The following LMNA variants were observed in gnomAD, a reference collection of about 807,000 sequenced individuals.
The protein encoded by LMNA is lamin.
In LMNA, 20 loss-of-function variants were observed where a neutral mutation model predicts 70.4. The observed-to-expected ratio is 0.28, with a 90% confidence interval of 0.20 to 0.41. LMNA has a LOEUF of 0.41. Among genes scored for constraint, LMNA ranks in the 10% least tolerant of loss-of-function variants. The probability of loss-of-function intolerance (pLI) is 1.00; values close to 1 mark genes in which losing one functional copy is unlikely to be tolerated. For synonymous variants in LMNA, 339 were observed against 372.8 expected (o/e 0.91, Z 1.04); for missense variants, 652 against 917.2 (o/e 0.71, Z 3.73).
At chr1:156,130,204 G>C (rs1650922684) in intron 1 of LMNA, among the ~76,000 whole-genome samples, 1 of 152,182 alleles carries the variant, frequency 6.6e-6, no homozygotes, top group Non-Finnish European at 1.5e-5. Flanking sequence ...CAGAGGGAGG[G>C]AAGCTTGGCC....
At chr1:156,129,993 C>T (rs1007950702) in intron 1 of LMNA, 3 of 673,594 alleles carry the variant, frequency 4.5e-6, no homozygotes, top group Non-Finnish European at 8.3e-6. Context: ...ATCAGGGCAC[C>T]CAGACTGGGT....
At chr1:156,105,800 C>CA (rs1406134652) in intron 3 of LMNA, among the ~76,000 whole-genome samples, 1 of 152,100 alleles carries the variant, frequency 6.6e-6, no homozygotes, top group Non-Finnish European at 1.5e-5. Flanking sequence ...GTAGGATGAA[C>CA]AACTGTCCCT....
intron 3 of LMNA, among the ~76,000 whole-genome samples, chr1:156,092,013 G>A (rs1648722835): frequency 6.6e-6 from 1 of 151,998 alleles, no homozygotes; most frequent in Non-Finnish European, 1.5e-5. Context: ...CGCCTCCTGG[G>A]TTCAAGCCAT....
In LMNA at chr1:156,119,198, A is replaced by G. The variant is rs1650032739; in HGVS notation, c.356+3924A>G. 2.7e-5 allele frequency among the ~76,000 whole-genome samples: 4 copies of G among 150,604 alleles called. No homozygotes were observed. The South Asian group carries it at 8.4e-4, about 32-fold the overall frequency. On this transcript the variant is annotated intron_variant, in intron 1 of 11. Coordinates refer to ENST00000368300, the MANE Select transcript of LMNA (RefSeq NM_170707.4). ...AGTGGTGCGATCTCGGCTCATTGCAACCTCCACCTCCCAGGTTCAAGCGAT... is the reference window on the plus strand; with the variant it reads ...AGTGGTGCGATCTCGGCTCATTGCAGCCTCCACCTCCCAGGTTCAAGCGAT...
chr1:156,082,593 G>A (rs1343415637), exon 1 of LMNA: 2 of 152,284 alleles, frequency 1.3e-5, no homozygotes, highest in African/African-American at 4.8e-5. Context: ...TTGACCCGAG[G>A]AGGATAGGGA....
Position 156,135,875 on chromosome 1 carries a change from C to A in LMNA, c.937-26C>A. The A allele has an allele frequency of 6.2e-7, 1 of 1,602,636 alleles. No individual in the cohort carries two copies. Among genetic ancestry groups the A allele is most frequent in the Non-Finnish European group, 8.5e-7 (1 of 1,171,250 alleles). ...CCCATACTTAGGGCCCTTGGGAGCT[C>A]ACCAAACCCTCCCACCCCCCTTCAG... is the stretch of plus-strand genomic sequence containing the variant. On this transcript the variant is annotated intron_variant, in intron 5 of 11. Coordinates refer to ENST00000368300, the MANE Select transcript of LMNA (RefSeq NM_170707.4). The surrounding 1 kb of genome is among the most constrained non-coding windows in gnomAD (Gnocchi z 4.8).
Position 156,127,686 on chromosome 1 carries a change from ATT to A in LMNA, c.357-2914_357-2913del, listed in dbSNP as rs34481489. Reference sequence around the variant, plus strand: ...GGTGCACACCACCGTACCCAGCTAAATTTTTTTTTTTTTTTTTTGAGATAGAG... The same window carrying A: ...GGTGCACACCACCGTACCCAGCTAAATTTTTTTTTTTTTTTTGAGATAGAG... On this transcript the variant is annotated intron_variant, in intron 1 of 11. Coordinates refer to ENST00000368300, the MANE Select transcript of LMNA (RefSeq NM_170707.4). Among the ~76,000 whole-genome samples the A allele has an allele frequency of 1.0e-3, 127 of 125,758 alleles. 1 individual carries two copies. Among genetic ancestry groups the A allele is most frequent in the Admixed American group, 2.2e-3 (28 of 12,538 alleles). 82.5% of individuals were successfully genotyped at this position (125,758 alleles called of 152,430 possible). A position where few individuals can be genotyped will look rare whatever the true frequency, so the allele number is the denominator to read the frequency against.
chr1:156,102,638 T>G (rs1649183659), intron 3 of LMNA, among the ~76,000 whole-genome samples: 2 of 152,094 alleles, frequency 1.3e-5, no homozygotes, highest in African/African-American at 4.8e-5. Context: ...TTCCAGCCCC[T>G]CCTGGGCGCC....
In LMNA at chr1:156,115,321, C is replaced by A; in HGVS notation, c.356+47C>A. 6.6e-7 allele frequency: 1 copy of A among 1,526,300 alleles called. No homozygotes were observed. The highest frequency in any genetic ancestry group is 8.9e-7 in the Non-Finnish European group (1 of 1,128,782). 94.5% of individuals were successfully genotyped at this position (1,526,300 alleles called of 1,614,324 possible). On this transcript the variant is annotated intron_variant, in intron 1 of 11. Transcript: ENST00000368300. This position sits in a 1 kb window ranked among gnomAD's most constrained non-coding sequence, Gnocchi z 5.8. ...CGTGCCTGGCGGGGAGTGGAGAGGG[C>A]GGCGGGCCGGCGCCCCTGGCCGGCC...
chr1:156,134,169 A>G lies in LMNA; in HGVS notation c.514-234A>G, dbSNP rs1338075165. 6.6e-6 allele frequency among the ~76,000 whole-genome samples: 1 copy of G among 152,100 alleles called. No individual in the cohort carries two copies. Among genetic ancestry groups the G allele is most frequent in the Non-Finnish European group, 1.5e-5 (1 of 68,004 alleles). On this transcript the variant is annotated intron_variant, in intron 2 of 11. Coordinates refer to ENST00000368300, the MANE Select transcript of LMNA (RefSeq NM_170707.4). This position sits in a 1 kb window ranked among gnomAD's most constrained non-coding sequence, Gnocchi z 5.3. ...GTAGCTGGGACTACAGGCGTGTGCCACCATCATGCCTGGCTACTTTTTTGT... is the reference window on the plus strand; with the variant it reads ...GTAGCTGGGACTACAGGCGTGTGCCGCCATCATGCCTGGCTACTTTTTTGT...
Position 156,115,080 on chromosome 1 carries a change from G to C in LMNA, c.162G>C (p.Thr54=). 6.3e-7 allele frequency: 1 copy of C among 1,595,382 alleles called. No homozygotes were observed. Among genetic ancestry groups the C allele is most frequent in the Non-Finnish European group, 8.5e-7 (1 of 1,171,174 alleles). The part of the protein sequence containing the change: ...VYIDRVRSLE[T]ENAGLRLRIT... Reference sequence around the variant, plus strand: ...TCGACCGTGTGCGCTCGCTGGAAACGGAGAACGCAGGGCTGCGCCTTCGCA... The same window carrying C: ...TCGACCGTGTGCGCTCGCTGGAAACCGAGAACGCAGGGCTGCGCCTTCGCA... Residue 54 remains threonine, a synonymous_variant, in exon 1 of 12, where the codon ACG becomes ACC. Coordinates refer to ENST00000368300, the MANE Select transcript of LMNA (RefSeq NM_170707.4). This position sits in a 1 kb window ranked among gnomAD's most constrained non-coding sequence, Gnocchi z 5.8.
In LMNA at chr1:156,137,451, C is replaced by T. The variant is rs1651757591; in HGVS notation, c.1609-203C>T. 1.3e-6 allele frequency: 1 copy of T among 773,642 alleles called. No homozygotes were observed. The highest frequency in any genetic ancestry group is 2.2e-6 in the Non-Finnish European group (1 of 463,172). The allele number at this position is 773,642 out of a possible 1,614,324, so 47.9% of individuals were successfully genotyped here. A position where few individuals can be genotyped will look rare whatever the true frequency, so the allele number is the denominator to read the frequency against. On this transcript the variant is annotated intron_variant, in intron 9 of 11. Transcript: ENST00000368300. This position sits in a 1 kb window ranked among gnomAD's most constrained non-coding sequence, Gnocchi z 4.6. ...ACAGTGAGGATTGTTAAAGGCAGAG[C>T]CATACTCCTACCCGGAGAGCTTGAC...
chr1:156,138,989 G>A lies in LMNA; in HGVS notation c.1969-91G>A, dbSNP rs1651899380. ...CAGGGCTGGAGTGTGAGGGATGGGGGAGATGCTACCTCCCTTCTAGGGGCC... is the reference window on the plus strand; with the variant it reads ...CAGGGCTGGAGTGTGAGGGATGGGGAAGATGCTACCTCCCTTCTAGGGGCC... On this transcript the variant is annotated intron_variant, in intron 11 of 11. Coordinates refer to ENST00000368300, the MANE Select transcript of LMNA (RefSeq NM_170707.4). The surrounding 1 kb of genome is among the most constrained non-coding windows in gnomAD (Gnocchi z 5.5). The A allele has an allele frequency of 3.5e-6, 5 of 1,434,658 alleles. No homozygotes were observed. The Admixed American group carries it at 5.0e-5, about 14-fold the overall frequency. 88.9% of individuals were successfully genotyped at this position (1,434,658 alleles called of 1,614,324 possible).
rs968687746 is a variant in LMNA, at chr1:156,126,680, T to A, written c.357-3937T>A. 3.4e-6 allele frequency: 5 copies of A among 1,477,992 alleles called. No homozygotes were observed. In the Admixed American group the frequency reaches 7.8e-5, roughly 23 times the overall value. 91.6% of individuals were successfully genotyped at this position (1,477,992 alleles called of 1,614,324 possible). ...AGTGCCAACTCTCATTTCTACCTTA[T>A]TCTTTTCCTCTCTGTTCCCCTCCCC... is the stretch of plus-strand genomic sequence containing the variant. On this transcript the variant is annotated intron_variant, in intron 1 of 11. Coordinates refer to ENST00000368300, the MANE Select transcript of LMNA (RefSeq NM_170707.4).
intron 2 of LMNA, among the ~76,000 whole-genome samples, chr1:156,084,335 T>TGGGGGGGGG (rs1491154815): frequency 1.1e-5 from 1 of 91,638 alleles, no homozygotes; most frequent in Non-Finnish European, 2.4e-5. Context: ...GGTCGGGGGG[T>TGGGGGGGGG]GGTGGGGGCA....
upstream of LMNA, among the ~76,000 whole-genome samples, chr1:156,110,532 A>G (rs1272169582): frequency 6.6e-6 from 1 of 152,200 alleles, no homozygotes; most frequent in Non-Finnish European, 1.5e-5. Flanking sequence ...GCAGGGCCAG[A>G]TGCATTTGTT....
At chr1:156,113,261 G>C (rs914285436), upstream of LMNA, among the ~76,000 whole-genome samples, 3 of 152,040 alleles carry the variant, frequency 2.0e-5, no homozygotes, top group African/African-American at 7.3e-5. Flanking sequence ...CTGAGATCAT[G>C]CCACTGCACT....
At chr1:156,122,126 A>G (rs576839693) in intron 1 of LMNA, among the ~76,000 whole-genome samples, 1 of 152,006 alleles carries the variant, frequency 6.6e-6, no homozygotes, top group Non-Finnish European at 1.5e-5. Context: ...ACTAATAATA[A>G]ATAAATAAAT....
At chr1:156,100,975 C>T (rs1649119984) in intron 3 of LMNA, among the ~76,000 whole-genome samples, 1 of 152,016 alleles carries the variant, frequency 6.6e-6, no homozygotes, top group South Asian at 2.1e-4. Context: ...AGGAGTTGAT[C>T]AGAGGGTAAA....
Sources: allele counts gnomAD v4.1 joint callset (sites outside exome capture counted in the v4.1 genomes callset), GRCh38; gene constraint gnomAD v4.1.1; non-coding constraint Gnocchi (gnomAD v3.1); transcripts MANE v1.5; gene names NCBI Gene and HGNC (gene_info 2026-07-23, HGNC 2026-07-21).